MPDZ: variants seen among roughly 807,000 people sequenced by gnomAD.
MPDZ encodes the protein multiple PDZ domain crumbs cell polarity complex component.
A neutral mutation model predicts 239.1 loss-of-function variants in MPDZ; 234 were observed. That is an observed-to-expected ratio of 0.98 (90% CI 0.88 to 1.09). MPDZ has a LOEUF of 1.09. Among genes scored for constraint, MPDZ ranks in the 50% least tolerant of loss-of-function variants. The pLI is 0.00. For synonymous variants in MPDZ, 1,048 were observed against 881.3 expected (o/e 1.19, Z -3.35); for missense variants, 3,175 against 2,510.0 (o/e 1.26, Z -5.66).
At chr9:13,277,587 C>T (rs1974521198) in intron 1 of MPDZ, among the ~76,000 whole-genome samples, 1 of 152,064 alleles carries the variant, frequency 6.6e-6, no homozygotes, top group Admixed American at 6.6e-5. Context: ...TTTATTGAGT[C>T]AGAGTCTCGC....
At chr9:13,114,948 T>C (rs796812930) in intron 40 of MPDZ, among the ~76,000 whole-genome samples, 3 of 152,128 alleles carry the variant, frequency 2.0e-5, no homozygotes, top group South Asian at 4.2e-4. Flanking sequence ...AAAAAATTTG[T>C]TATCTTGGTA....
chr9:13,210,550 A>G (rs756256713), intron 10 of MPDZ, among the ~76,000 whole-genome samples: 1 of 151,910 alleles, frequency 6.6e-6, no homozygotes, highest in Non-Finnish European at 1.5e-5. Context: ...TGCCATCAGG[A>G]GGATAAGGAA....
intron 10 of MPDZ, among the ~76,000 whole-genome samples, chr9:13,210,705 A>G (rs894459972): frequency 3.9e-5 from 6 of 152,142 alleles, no homozygotes; most frequent in Non-Finnish European, 8.8e-5. Flanking sequence ...CAGGACTCCA[A>G]GGGAATGATG....
rs191942855 is a variant in MPDZ at position 13,165,963 on chromosome 9, T to C, written c.3254+2403A>G. 4.7e-4 allele frequency among the ~76,000 whole-genome samples: 72 copies of C among 152,258 alleles called. 1 individual carries two copies. The Middle Eastern group carries it at 0.024, about 50-fold the overall frequency. On this transcript the variant is annotated intron_variant, in intron 22 of 46. Coordinates refer to ENST00000319217, the MANE Select transcript of MPDZ (RefSeq NM_001378778.1). The stretch of plus-strand genomic sequence containing the variant: ...ACACACACACAAAAGTTCCTAGCTA[T>C]CTATCGTAAATGGCAAAAAAGAAAT...
intron 24 of MPDZ, 140 bp downstream of exon 24, chr9:13,157,878 A>G: frequency 1.5e-6 from 1 of 687,146 alleles, no homozygotes; most frequent in East Asian, 2.7e-5. Flanking sequence ...GTATACATTA[A>G]AAAATGATGG....
intron 10 of MPDZ, among the ~76,000 whole-genome samples, chr9:13,210,479 C>T (rs888843900): frequency 2.6e-5 from 4 of 151,346 alleles, no homozygotes; most frequent in Non-Finnish European, 5.9e-5. Flanking sequence ...CCAGGTATTT[C>T]CCCCTTGACT....
At chr9:13,268,697 G>C (rs536643620) in intron 1 of MPDZ, among the ~76,000 whole-genome samples, 2 of 152,308 alleles carry the variant, frequency 1.3e-5, no homozygotes, top group Middle Eastern at 3.4e-3. Flanking sequence ...TAAAGGGAAA[G>C]GCATTTCTCA....
chr9:13,264,701 T>C (rs970841686), intron 1 of MPDZ, among the ~76,000 whole-genome samples: 3 of 151,864 alleles, frequency 2.0e-5, no homozygotes, highest in African/African-American at 7.3e-5. Flanking sequence ...TAGGGAACTA[T>C]GGATTCTAAC....
chr9:13,208,507 C>T (rs1213031359), intron 10 of MPDZ, among the ~76,000 whole-genome samples: 1 of 150,586 alleles, frequency 6.6e-6, no homozygotes, highest in African/African-American at 2.4e-5. Context: ...GATGGAGTAC[C>T]CTTACTGCAA....
At chr9:13,227,579 C>T (rs561271920) in intron 3 of MPDZ, among the ~76,000 whole-genome samples, 14 of 151,762 alleles carry the variant, frequency 9.2e-5, no homozygotes, top group Non-Finnish European at 1.9e-4. Context: ...AATCGCATCC[C>T]GAGAATAGAG....
Position 13,112,987 on chromosome 9 carries a change from TATTG to T in MPDZ, c.5601+20_5601+23del. The stretch of plus-strand genomic sequence containing the variant: ...ATGTCTCTTAAAACGCCAGGGTTTA[TATTG>T]TTTTCTCTCCCCAAGTTACCTTTTT... On this transcript the variant is annotated intron_variant, in intron 42 of 46. Coordinates refer to ENST00000319217, the MANE Select transcript of MPDZ (RefSeq NM_001378778.1). 6.4e-7 allele frequency: 1 copy of T among 1,568,720 alleles called. No homozygotes were observed. Among genetic ancestry groups the T allele is most frequent in the Non-Finnish European group, 8.7e-7 (1 of 1,152,342 alleles).
chr9:13,147,708 A>G, intron 25 of MPDZ, 50 bp from the exon 26 acceptor site: 1 of 1,417,472 alleles, frequency 7.1e-7, no homozygotes, highest in Non-Finnish European at 9.9e-7. Flanking sequence ...TAGAACAACA[A>G]AAAAATGTGT....
intron 34 of MPDZ, among the ~76,000 whole-genome samples, chr9:13,125,948 AATG>A (rs1945046616): frequency 6.6e-6 from 1 of 152,216 alleles, no homozygotes; most frequent in South Asian, 2.1e-4. Context: ...ACAATGAAGA[AATG>A]ATAAGTTATA....
chr9:13,234,528 C>T (rs541101863), intron 3 of MPDZ, among the ~76,000 whole-genome samples: 1 of 152,118 alleles, frequency 6.6e-6, no homozygotes, highest in African/African-American at 2.4e-5. Context: ...TTGACTTATT[C>T]TCAATACACA....
chr9:13,226,210 C>T lies in MPDZ; in HGVS notation c.184-1627G>A, dbSNP rs546244056. The stretch of plus-strand genomic sequence containing the variant: ...GTCTGGCTAACTCCAAGTACAATGA[C>T]ACACGTAACAACAACGGAAAAGATC... On this transcript the variant is annotated intron_variant, in intron 3 of 46. Transcript: ENST00000319217. Among the ~76,000 whole-genome samples the T allele has an allele frequency of 2.6e-3, 399 of 152,212 alleles. 2 individuals carry two copies. The highest frequency in any genetic ancestry group is 6.8e-3 in the Middle Eastern group (2 of 294).
chr9:13,114,484 T>C lies in MPDZ; in HGVS notation c.5467-463A>G, dbSNP rs2131278130. On this transcript the variant is annotated intron_variant, in intron 40 of 46. Transcript: ENST00000319217. ...ACACTGAGGAGAAGGTCAAGAGGTC[T>C]TGTCAAGAGTCTTGAAATATTTAAC... Among the ~76,000 whole-genome samples, 3 of 152,332 alleles carry C rather than the reference T, an allele frequency of 2.0e-5. 1 individual carries two copies. The Middle Eastern group carries it at 0.01, about 518-fold the overall frequency.
intron 21 of MPDZ, among the ~76,000 whole-genome samples, chr9:13,169,028 T>C (rs899175432): frequency 1.3e-5 from 2 of 152,180 alleles, no homozygotes; most frequent in African/African-American, 4.8e-5. Flanking sequence ...CTATTTACTA[T>C]ATGGCTAATA....
chr9:13,219,196 T>A (rs989131612), intron 8 of MPDZ, among the ~76,000 whole-genome samples: 4 of 151,922 alleles, frequency 2.6e-5, no homozygotes, highest in African/African-American at 7.2e-5. Context: ...ATTAGAACTA[T>A]GACCCACCTT....
At chr9:13,241,040 A>G (rs1174428240) in intron 3 of MPDZ, among the ~76,000 whole-genome samples, 2 of 152,206 alleles carry the variant, frequency 1.3e-5, no homozygotes, top group African/African-American at 4.8e-5. Context: ...AAAAGCTTGA[A>G]CAGTGCCTTC....
Sources: allele counts gnomAD v4.1 joint callset (sites outside exome capture counted in the v4.1 genomes callset), GRCh38; gene constraint gnomAD v4.1.1; transcripts MANE v1.5; gene names NCBI Gene and HGNC (gene_info 2026-07-23, HGNC 2026-07-21).